Variants in DIAPH2 observed in about 807,000 individuals in gnomAD.
The protein encoded by DIAPH2 is diaphanous related formin 2.
In DIAPH2, 35 loss-of-function variants were observed where a neutral mutation model predicts 92.7. The ratio of observed to expected loss-of-function variants is 0.38; its 90% CI spans 0.29 to 0.50. DIAPH2 has a LOEUF of 0.50. DIAPH2 is among the 20% of genes least tolerant of loss of function. The probability of loss-of-function intolerance (pLI) is 0.94; values close to 1 mark genes in which losing one functional copy is unlikely to be tolerated. For synonymous variants in DIAPH2, 301 were observed against 280.4 expected (o/e 1.07, Z -0.73); for missense variants, 701 against 819.5 (o/e 0.86, Z 1.77).
intron 17 of DIAPH2, among the ~76,000 whole-genome samples, chrX:96,985,083 C>T (rs1049102326): frequency 9.0e-6 from 1 of 111,451 alleles, no homozygotes; most frequent in Non-Finnish European, 1.9e-5. Flanking sequence ...AATTCATTTA[C>T]ACGATGTCAG....
At chrX:97,098,644 C>T (rs1346129621) in intron 19 of DIAPH2, among the ~76,000 whole-genome samples, 2 of 112,373 alleles carry the variant, frequency 1.8e-5, no homozygotes, top group Non-Finnish European at 3.8e-5. Flanking sequence ...AGGCTGGTCT[C>T]GAACTCCTGA....
At chrX:97,120,520 G>A (rs986829075) in intron 21 of DIAPH2, among the ~76,000 whole-genome samples, 3 of 108,866 alleles carry the variant, frequency 2.8e-5, no homozygotes, top group African/African-American at 6.7e-5. Context: ...CTGTCCATCC[G>A]AGTTGGAGCT....
At chrX:97,017,420 A>G (rs186687367) in intron 17 of DIAPH2, among the ~76,000 whole-genome samples, 132 of 111,977 alleles carry the variant, frequency 1.2e-3, no homozygotes, top group Non-Finnish European at 2.0e-3. Context: ...ACTGGGCAAC[A>G]ACATGAATTC....
intron 26 of DIAPH2, among the ~76,000 whole-genome samples, chrX:97,556,740 G>C (rs771686146): frequency 9.0e-6 from 1 of 111,691 alleles, no homozygotes; most frequent in Non-Finnish European, 1.9e-5. Context: ...TATTTTCGGG[G>C]GACACAGTTC....
Position 96,912,338 on chromosome X carries a change from A to G in DIAPH2, c.598A>G (p.Asn200Asp), listed in dbSNP as rs1297724119. The change falls in exon 6 of 27, where the codon AAC (asparagine) becomes GAC (aspartate). Residue 200 changes from asparagine to aspartate, a missense_variant. Asn to Asp is a conservative substitution (Grantham distance 23, BLOSUM62 1). This residue lies in a region of DIAPH2 where 34 missense variants were observed against 74.7 expected (regional missense o/e 0.46). Transcript: ENST00000324765. ...TTGTTTATTTCTCAGCTGGGTTAAC[A>G]ACTTTGGCCATGAAGGTCTTGGACT... ...LTSNPVSWVN[N>D]FGHEGLGLLL... is the part of the protein sequence containing the mutation. 8.3e-7 allele frequency: 1 copy of G among 1,199,612 alleles called. No individual in the cohort carries two copies.
chrX:97,141,770 GA>G lies in DIAPH2; in HGVS notation c.2697del (p.Glu899AspfsTer3). 8.3e-7 allele frequency: 1 copy of G among 1,203,513 alleles called. No homozygotes were observed. Among genetic ancestry groups the G allele is most frequent in the Non-Finnish European group, 1.1e-6 (1 of 892,749 alleles). ...TATCCTAAAATTTCCTGAAGAACTG[GA>G]ACACGTAGAAAGTGCAAGCAAAGGT... ...RDILKFPEEL[E>X]HVESASKVSA... On this transcript the variant is annotated frameshift_variant, in exon 22 of 27. Transcript: ENST00000324765. LOFTEE classifies it high-confidence loss of function.
rs1422395234 is a variant in DIAPH2 at position 97,601,270 on chromosome X, A to G, written c.*1953A>G. 1 of 112,096 alleles carries G rather than the reference A, an allele frequency of 8.9e-6. No homozygotes were observed. The highest frequency in any genetic ancestry group is 3.3e-5 in the African/African-American group (1 of 30,762). 9.2% of individuals were successfully genotyped at this position (112,096 alleles called of 1,213,427 possible). On this transcript the variant is annotated 3_prime_UTR_variant, in exon 27 of 27. Coordinates refer to ENST00000324765, the MANE Select transcript of DIAPH2 (RefSeq NM_006729.5). Reference sequence around the variant, plus strand: ...TTAACCCTGACTAAAATTTGGGAGCATATGCCTTGCTATATTATCAAGCTG... The same window carrying G: ...TTAACCCTGACTAAAATTTGGGAGCGTATGCCTTGCTATATTATCAAGCTG...
chrX:96,995,236 C>T (rs2066097109), intron 17 of DIAPH2, among the ~76,000 whole-genome samples: 1 of 111,900 alleles, frequency 8.9e-6, no homozygotes, highest in African/African-American at 3.2e-5. Flanking sequence ...TGTTATTGAT[C>T]TTAATGCATT....
chrX:97,387,136 C>G (rs1327104073), intron 25 of DIAPH2, among the ~76,000 whole-genome samples: 1 of 111,366 alleles, frequency 9.0e-6, no homozygotes, highest in African/African-American at 3.3e-5. Flanking sequence ...ATGATCTCAG[C>G]TCACTGTAAC....
rs2063764163 is a variant in DIAPH2 at position 96,685,204 on chromosome X, C to T, written c.132+14C>T. 4 of 990,905 alleles carry T rather than the reference C, an allele frequency of 4.0e-6. No homozygotes were observed. The highest frequency in any genetic ancestry group is 8.5e-5 in the Admixed American group (2 of 23,495). 81.7% of individuals were successfully genotyped at this position (990,905 alleles called of 1,213,427 possible). Reference sequence around the variant, plus strand: ...AAACCCAAATTGGTGAGTGCTCCCGCAGCCCCCGCCGGCCTTAGGGACAGG... The same window carrying T: ...AAACCCAAATTGGTGAGTGCTCCCGTAGCCCCCGCCGGCCTTAGGGACAGG... On this transcript the variant is annotated intron_variant, in intron 1 of 26. Transcript: ENST00000324765.
intron 26 of DIAPH2, among the ~76,000 whole-genome samples, chrX:97,492,117 A>G (rs1330487975): frequency 1.8e-5 from 2 of 111,942 alleles, no homozygotes; most frequent in East Asian, 5.6e-4. Context: ...TTAATAGTAG[A>G]GTTTAAAGTT....
intron 4 of DIAPH2, among the ~76,000 whole-genome samples, chrX:96,829,345 G>T (rs776792099): frequency 9.2e-6 from 1 of 109,188 alleles, no homozygotes; most frequent in African/African-American, 3.3e-5. Flanking sequence ...GAGAGAGAAG[G>T]AAATAAAAAG....
intron 17 of DIAPH2, among the ~76,000 whole-genome samples, chrX:96,996,312 A>G (rs1209773257): frequency 8.9e-6 from 1 of 112,300 alleles, no homozygotes; most frequent in Non-Finnish European, 1.9e-5. Context: ...ATTTCATACA[A>G]TTCATAAAAG....
intron 5 of DIAPH2, among the ~76,000 whole-genome samples, chrX:96,911,350 C>A (rs1280535954): frequency 9.6e-6 from 1 of 104,155 alleles, no homozygotes; most frequent in African/African-American, 3.4e-5. Context: ...AAGAAAGGGG[C>A]CATTTGGAGG....
chrX:97,359,635 G>C (rs1387761009), intron 24 of DIAPH2, among the ~76,000 whole-genome samples: 1 of 96,054 alleles, frequency 1.0e-5, no homozygotes, highest in Non-Finnish European at 2.0e-5. Flanking sequence ...CTGTAGTGAA[G>C]TGGCAGGTCT....
At chrX:97,126,805 C>T (rs926291742) in intron 21 of DIAPH2, among the ~76,000 whole-genome samples, 4 of 112,631 alleles carry the variant, frequency 3.6e-5, no homozygotes, top group Non-Finnish European at 7.5e-5. Context: ...ACAATTCCAG[C>T]CCCATTTCCA....
chrX:96,831,994 G>C (rs990921291), intron 4 of DIAPH2, among the ~76,000 whole-genome samples: 1 of 111,450 alleles, frequency 9.0e-6, no homozygotes, highest in Non-Finnish European at 1.9e-5. Flanking sequence ...CTAACTTCAA[G>C]GAGTAGGAAA....
chrX:97,282,223 C>T (rs952133049), intron 23 of DIAPH2, among the ~76,000 whole-genome samples: 1 of 111,754 alleles, frequency 8.9e-6, no homozygotes, highest in Admixed American at 9.5e-5. Context: ...GGCTTCACAG[C>T]GGCAACTGAA....
intron 25 of DIAPH2, among the ~76,000 whole-genome samples, chrX:97,387,330 GA>G (rs1440792500): frequency 8.9e-6 from 1 of 112,285 alleles, no homozygotes; most frequent in Non-Finnish European, 1.9e-5. Flanking sequence ...GAGTTCTTTT[GA>G]GAAACAGAAC....
Sources: gnomAD v4.1 joint callset for allele counts (sites outside exome capture counted in the v4.1 genomes callset) on GRCh38, gnomAD v4.1.1 for gene constraint, gnomAD v4.1.1 regional missense constraint, MANE v1.5 for transcripts, NCBI Gene and HGNC (gene_info 2026-07-23, HGNC 2026-07-21) for gene names.